Variants in CWC27 observed in about 807,000 individuals in gnomAD.
CWC27 encodes the protein CWC27 spliceosome associated cyclophilin, also known as spliceosome-associated protein CWC27 homolog.
Under a neutral mutation model 63.6 loss-of-function variants are expected in CWC27, and 47 were observed. The ratio of observed to expected loss-of-function variants is 0.74; its 90% CI spans 0.58 to 0.94. CWC27 has a LOEUF of 0.94. CWC27 is among the 40% of genes least tolerant of loss of function. The pLI, the probability that CWC27 is intolerant of heterozygous loss-of-function variation, is 0.00. For missense variants in CWC27, 495 were observed against 554.3 expected (o/e 0.89, Z 1.07); for synonymous variants, 175 against 179.8 (o/e 0.97, Z 0.22).
intron 10 of CWC27, among the ~76,000 whole-genome samples, chr5:64,815,710 T>C (rs1315653424): frequency 6.6e-6 from 1 of 152,158 alleles, no homozygotes; most frequent in Non-Finnish European, 1.5e-5. Context: ...TATATATCAA[T>C]TCCTAGTTAT....
chr5:64,934,100 G>C (rs1173733262), intron 11 of CWC27, among the ~76,000 whole-genome samples: 2 of 151,740 alleles, frequency 1.3e-5, no homozygotes, highest in Non-Finnish European at 2.9e-5. Flanking sequence ...TTTTTGTTTT[G>C]TTTTGTTTTG....
At chr5:64,812,876 G>A (rs1744916510) in intron 10 of CWC27, among the ~76,000 whole-genome samples, 1 of 152,076 alleles carries the variant, frequency 6.6e-6, no homozygotes, top group Non-Finnish European at 1.5e-5. Context: ...TGCTAGACGT[G>A]CATACAAAGT....
At chr5:64,959,153 AC>A (rs1011733647) in intron 11 of CWC27, among the ~76,000 whole-genome samples, 2 of 151,856 alleles carry the variant, frequency 1.3e-5, no homozygotes, top group African/African-American at 4.8e-5. Flanking sequence ...ATGTATAGAG[AC>A]CCCCCCATTA....
intron 11 of CWC27, among the ~76,000 whole-genome samples, chr5:64,941,536 T>C (rs1748480160): frequency 1.3e-5 from 2 of 152,098 alleles, no homozygotes; most frequent in South Asian, 4.1e-4. Context: ...ATATAAAACA[T>C]TTATTACAGA....
chr5:64,943,582 G>A (rs1403251030), intron 11 of CWC27, among the ~76,000 whole-genome samples: 2 of 152,094 alleles, frequency 1.3e-5, no homozygotes, highest in Non-Finnish European at 2.9e-5. Flanking sequence ...CTTATTCAAT[G>A]TCTACTATGT....
chr5:64,914,198 G>A (rs893900625), intron 11 of CWC27, among the ~76,000 whole-genome samples: 1 of 152,064 alleles, frequency 6.6e-6, no homozygotes, highest in Admixed American at 6.6e-5. Flanking sequence ...GAATGACAAA[G>A]CAATAAAACT....
intron 10 of CWC27, among the ~76,000 whole-genome samples, chr5:64,814,096 G>C (rs1011581840): frequency 4.7e-5 from 7 of 148,952 alleles, no homozygotes; most frequent in African/African-American, 1.5e-4. Context: ...TTTTTTTTAG[G>C]TCATCAACTA....
intron 10 of CWC27, among the ~76,000 whole-genome samples, chr5:64,861,073 C>T (rs1160380235): frequency 6.6e-6 from 1 of 152,104 alleles, no homozygotes; most frequent in Non-Finnish European, 1.5e-5. Flanking sequence ...ATGTTTCAAC[C>T]CGTAGGGTCA....
intron 13 of CWC27, among the ~76,000 whole-genome samples, chr5:65,007,018 G>GAAAGA (rs1749859781): frequency 6.9e-6 from 1 of 144,090 alleles, no homozygotes; most frequent in Non-Finnish European, 1.5e-5. Flanking sequence ...AAGAAAGAAA[G>GAAAGA]AAAGAAAAGA....
At chr5:64,785,275 C>T (rs551341708) in intron 4 of CWC27, among the ~76,000 whole-genome samples, 2 of 151,938 alleles carry the variant, frequency 1.3e-5, no homozygotes, top group South Asian at 4.2e-4. Flanking sequence ...TGGAAATTTC[C>T]AAAAAACTTA....
intron 11 of CWC27, among the ~76,000 whole-genome samples, chr5:64,909,827 C>G (rs1310859331): frequency 1.3e-5 from 2 of 152,126 alleles, no homozygotes; most frequent in African/African-American, 4.8e-5. Flanking sequence ...AGCCATTCAT[C>G]CAATCTTTTT....
chr5:65,011,366 C>T (rs571932046), intron 13 of CWC27, among the ~76,000 whole-genome samples: 3 of 152,246 alleles, frequency 2.0e-5, no homozygotes, highest in African/African-American at 7.2e-5. Flanking sequence ...GGGTCTTAAC[C>T]CTGGGGGAGA....
At chr5:64,908,528 G>C (rs1377858410) in intron 11 of CWC27, among the ~76,000 whole-genome samples, 1 of 152,124 alleles carries the variant, frequency 6.6e-6, no homozygotes, top group African/African-American at 2.4e-5. Flanking sequence ...AAGTCTCTTT[G>C]TAGGTTTCTA....
At chr5:65,010,538 C>T (rs1351167464) in intron 13 of CWC27, among the ~76,000 whole-genome samples, 1 of 152,130 alleles carries the variant, frequency 6.6e-6, no homozygotes, top group Non-Finnish European at 1.5e-5. Flanking sequence ...TCTAACTTAA[C>T]AGAGAAATTA....
intron 7 of CWC27, among the ~76,000 whole-genome samples, chr5:64,789,763 A>G (rs1744010900): frequency 6.6e-6 from 1 of 152,008 alleles, no homozygotes; most frequent in South Asian, 2.1e-4. Context: ...AAGGGTTTCT[A>G]CTCCTAAAGG....
chr5:64,779,465 T>C (rs1008014867), intron 2 of CWC27, among the ~76,000 whole-genome samples: 20 of 152,248 alleles, frequency 1.3e-4, no homozygotes, highest in African/African-American at 4.8e-4. Context: ...AGTACAGAAC[T>C]AATTTCAGTG....
chr5:64,791,731 T>A (rs1431662239), intron 7 of CWC27, among the ~76,000 whole-genome samples: 1 of 152,134 alleles, frequency 6.6e-6, no homozygotes, highest in East Asian at 1.9e-4. Flanking sequence ...TATTGGACAT[T>A]AGTTTATCAA....
chr5:64,868,034 T>C (rs772723356), intron 10 of CWC27, among the ~76,000 whole-genome samples: 8 of 152,004 alleles, frequency 5.3e-5, no homozygotes, highest in Non-Finnish European at 1.0e-4. Flanking sequence ...ACTACAATAG[T>C]ATTGTGCTGC....
chr5:64,958,337 C>T (rs570353569), intron 11 of CWC27, among the ~76,000 whole-genome samples: 2 of 152,168 alleles, frequency 1.3e-5, no homozygotes, highest in East Asian at 3.9e-4. Context: ...ACTGGCTTCT[C>T]GTAAAACCTG....
Sources: allele counts gnomAD v4.1 joint callset (sites outside exome capture counted in the v4.1 genomes callset), GRCh38; gene constraint gnomAD v4.1.1; transcripts MANE v1.5; gene names NCBI Gene and HGNC (gene_info 2026-07-23, HGNC 2026-07-21).